The following MGAT4C variants were observed in gnomAD, a reference collection of about 807,000 sequenced individuals.
The protein encoded by MGAT4C is MGAT4 family member C.
A neutral mutation model predicts 40.1 loss-of-function variants in MGAT4C; 19 were observed. The ratio of observed to expected loss-of-function variants is 0.47; its 90% CI spans 0.33 to 0.70. The LOEUF (loss-of-function observed/expected upper bound fraction) is 0.70. Ranked by LOEUF, MGAT4C falls within the 30% of genes least tolerant of loss-of-function variation. The probability of loss-of-function intolerance (pLI) is 0.02; values close to 1 mark genes in which losing one functional copy is unlikely to be tolerated. For missense variants in MGAT4C, 491 were observed against 563.2 expected (o/e 0.87, Z 1.30); for synonymous variants, 181 against 187.1 (o/e 0.97, Z 0.27).
intron 1 of MGAT4C, among the ~76,000 whole-genome samples, chr12:86,734,610 C>T (rs1950957383): frequency 6.6e-6 from 1 of 151,986 alleles, no homozygotes; most frequent in African/African-American, 2.4e-5. Context: ...CCCAAGAGAG[C>T]TTGCTTCTTC....
intron 1 of MGAT4C, among the ~76,000 whole-genome samples, chr12:86,729,050 T>C (rs1950867964): frequency 6.6e-6 from 1 of 152,160 alleles, no homozygotes. Flanking sequence ...AGTTAAAACA[T>C]AACAAGACTA....
chr12:86,442,058 T>A (rs1350212579), intron 2 of MGAT4C, among the ~76,000 whole-genome samples: 1 of 152,164 alleles, frequency 6.6e-6, no homozygotes, highest in Non-Finnish European at 1.5e-5. Flanking sequence ...AGATGGTATC[T>A]CATTGTGGTT....
intron 1 of MGAT4C, among the ~76,000 whole-genome samples, chr12:86,812,316 T>A (rs1286882268): frequency 6.6e-6 from 1 of 152,168 alleles, no homozygotes; most frequent in Non-Finnish European, 1.5e-5. Context: ...TAGATCCTAC[T>A]GGTTGAGTGT....
Position 86,666,956 on chromosome 12 carries a change from T to G in MGAT4C, c.-229+60253A>C, listed in dbSNP as rs1439045516. Among the ~76,000 whole-genome samples, 3 of 152,322 alleles carry G rather than the reference T, an allele frequency of 2.0e-5. No individual in the cohort carries two copies. In the East Asian group the frequency reaches 5.8e-4, roughly 29 times the overall value. ...TGTCATCAGAATCAATAGAAACTTG[T>G]GCTGAATGATTGGTTACTTAGTTGG... On this transcript the variant is annotated intron_variant, in intron 2 of 7. Transcript: ENST00000548651.
chr12:86,113,583 G>T (rs987199563), intron 1 of MGAT4C, among the ~76,000 whole-genome samples: 11 of 151,854 alleles, frequency 7.2e-5, no homozygotes, highest in African/African-American at 2.7e-4. Flanking sequence ...CCAGGAAAAC[G>T]ATGTAGTTTT....
intron 3 of MGAT4C, among the ~76,000 whole-genome samples, chr12:86,375,043 CAGA>C (rs1163668333): frequency 2.6e-5 from 4 of 152,100 alleles, no homozygotes; most frequent in African/African-American, 9.7e-5. Context: ...TCCCTACTGT[CAGA>C]ATATTCCCCC....
intron 4 of MGAT4C, among the ~76,000 whole-genome samples, chr12:86,268,688 C>CAT (rs1448791078): frequency 1.4e-5 from 2 of 145,498 alleles, no homozygotes; most frequent in African/African-American, 5.0e-5. Context: ...TACATATATA[C>CAT]ATATATATAC....
At chr12:86,611,754 A>G (rs1375935071) in intron 2 of MGAT4C, among the ~76,000 whole-genome samples, 1 of 151,996 alleles carries the variant, frequency 6.6e-6, no homozygotes, top group East Asian at 1.9e-4. Context: ...GTTATACTTT[A>G]TTTATGGTGT....
intron 2 of MGAT4C, among the ~76,000 whole-genome samples, chr12:86,449,667 T>C (rs951486413): frequency 6.6e-6 from 1 of 152,210 alleles, no homozygotes; most frequent in Non-Finnish European, 1.5e-5. Context: ...ATAGATGTAA[T>C]AGCACACTAT....
chr12:86,348,179 C>T (rs1217427765), intron 3 of MGAT4C, among the ~76,000 whole-genome samples: 1 of 152,112 alleles, frequency 6.6e-6, no homozygotes, highest in Non-Finnish European at 1.5e-5. Context: ...CCACATTTTA[C>T]TTTACCTGAC....
chr12:86,254,270 G>A (rs1952425278), intron 1 of MGAT4C, among the ~76,000 whole-genome samples: 1 of 151,960 alleles, frequency 6.6e-6, no homozygotes, highest in African/African-American at 2.4e-5. Context: ...TAGCTAGGTA[G>A]CTCATATCTC....
At chr12:86,277,352 C>T (rs1051583612) in intron 4 of MGAT4C, among the ~76,000 whole-genome samples, 10 of 152,152 alleles carry the variant, frequency 6.6e-5, no homozygotes, top group Non-Finnish European at 1.0e-4. Context: ...TGTCTCCTCA[C>T]TTTGCTGATT....
chr12:86,817,487 A>G (rs1310782386), intron 1 of MGAT4C, among the ~76,000 whole-genome samples: 1 of 151,522 alleles, frequency 6.6e-6, no homozygotes, highest in African/African-American at 2.4e-5. Flanking sequence ...AAGTCCATCA[A>G]ATCAAGCTTA....
At chr12:86,657,495 T>A (rs1200180168) in intron 2 of MGAT4C, among the ~76,000 whole-genome samples, 1 of 151,714 alleles carries the variant, frequency 6.6e-6, no homozygotes, top group Non-Finnish European at 1.5e-5. Context: ...ACAGGAAAAT[T>A]AGAAAAGTAA....
rs144048630 is a variant in MGAT4C at position 86,016,970 on chromosome 12, C to T, written c.-6-27418G>A. ...ACCGTATTACTGATGCCTCTGAAGC[C>T]TAATTTCAGTCAAAAGTTGTTGTTC... On this transcript the variant is annotated intron_variant, in intron 2 of 4. Transcript: ENST00000611864. 2.3e-4 allele frequency among the ~76,000 whole-genome samples: 35 copies of T among 152,094 alleles called. No homozygotes were observed. In the East Asian group the frequency reaches 6.2e-3, roughly 27 times the overall value.
intron 3 of MGAT4C, among the ~76,000 whole-genome samples, chr12:86,433,340 GTGTA>G (rs1957077278): frequency 2.9e-5 from 3 of 103,956 alleles, no homozygotes; most frequent in African/African-American, 6.1e-5. Flanking sequence ...ACACACACAC[GTGTA>G]TGTGTGTGTG....
chr12:86,260,125 G>A (rs1409113009), upstream of MGAT4C, among the ~76,000 whole-genome samples: 1 of 152,032 alleles, frequency 6.6e-6, no homozygotes, highest in Non-Finnish European at 1.5e-5. Flanking sequence ...AGGACAAGTT[G>A]GAGTATCAAA....
intron 2 of MGAT4C, among the ~76,000 whole-genome samples, chr12:86,618,945 A>G (rs1962550745): frequency 6.6e-6 from 1 of 152,102 alleles, no homozygotes. Context: ...ATAAATATGT[A>G]CAAATATTAT....
chr12:86,350,060 T>C (rs1302036211), intron 3 of MGAT4C, among the ~76,000 whole-genome samples: 2 of 152,114 alleles, frequency 1.3e-5, no homozygotes, highest in Admixed American at 1.3e-4. Flanking sequence ...TGACCTCCTG[T>C]GCTATGTAGT....
Sources: gnomAD v4.1 joint callset for allele counts (sites outside exome capture counted in the v4.1 genomes callset) on GRCh38, gnomAD v4.1.1 for gene constraint, MANE v1.5 for transcripts, NCBI Gene and HGNC (gene_info 2026-07-23, HGNC 2026-07-21) for gene names.